Variants in ZNF234 observed in about 807,000 individuals in gnomAD.
ZNF234 encodes the protein zinc finger protein 234.
A neutral mutation model predicts 10.3 loss-of-function variants in ZNF234; 4 were observed. The ratio of observed to expected loss-of-function variants is 0.39; its 90% CI spans 0.19 to 0.89. The LOEUF (loss-of-function observed/expected upper bound fraction) is 0.89. ZNF234 is among the 40% of genes least tolerant of loss of function. The pLI is 0.38. For missense variants in ZNF234, 711 were observed against 836.1 expected, an observed-to-expected ratio of 0.85 and a Z score of 1.85; for synonymous variants, 258 against 280.1, an observed-to-expected ratio of 0.92 and a Z score of 0.79.
chr19:44,153,321 T>C (rs1968795245), intron 5 of ZNF234, among the ~76,000 whole-genome samples: 1 of 151,726 alleles, frequency 6.6e-6, no homozygotes, highest in Admixed American at 6.6e-5. Flanking sequence ...TTTGAGCTCT[T>C]TTGAGCATGA....
rs776859626 is a variant in ZNF234 at position 44,157,937 on chromosome 19, T to C, written c.1921T>C (p.Tyr641His). The change falls in exon 6 of 6, where the codon TAT becomes CAT. Residue 641 changes from tyrosine to histidine, a missense_variant. Physicochemically the swap from Tyr to His is moderately conservative, Grantham distance 83. Transcript: ENST00000426739. Reference sequence around the variant, plus strand: ...CTTCAGTCGGTCTTCACAATTACAGTATCATAGGCGAGTTCACACTGGGGA... The same window carrying C: ...CTTCAGTCGGTCTTCACAATTACAGCATCATAGGCGAGTTCACACTGGGGA... ...KVFSRSSQLQ[Y>H]HRRVHTGEKP... 1.2e-6 allele frequency: 2 copies of C among 1,614,012 alleles called. No individual in the cohort carries two copies. Among genetic ancestry groups the C allele is most frequent in the Non-Finnish European group, 1.7e-6 (2 of 1,179,946 alleles).
chr19:44,157,478 G>T lies in ZNF234; in HGVS notation c.1462G>T (p.Glu488Ter), dbSNP rs1185988918. The T allele has an allele frequency of 8.1e-6, 13 of 1,614,046 alleles. No homozygotes were observed. The highest frequency in any genetic ancestry group is 1.0e-5 in the Non-Finnish European group (12 of 1,179,934). ...HTGEKPYKCEECGKGFSRRAD... is the reference protein window; with the variant it reads ...HTGEKPYKCE ...CGGTGAGAAACCATACAAATGTGAA[G>T]AGTGCGGAAAGGGATTTAGTCGTAG... The change falls in exon 6 of 6, where the codon GAG becomes TAG. Residue 488 changes from glutamate to a stop codon, truncating the protein, a stop_gained. Transcript: ENST00000426739. LOFTEE classifies it low-confidence loss of function (END_TRUNC).
chr19:44,155,667 T>C (rs1229228798), intron 5 of ZNF234, among the ~76,000 whole-genome samples: 1 of 152,216 alleles, frequency 6.6e-6, no homozygotes, highest in East Asian at 1.9e-4. Context: ...TATTTAATAA[T>C]TTGAATATGT....
intron 3 of ZNF234, 75 bp downstream of exon 3, chr19:44,144,722 AC>A: frequency 1.4e-6 from 2 of 1,400,094 alleles, no homozygotes; most frequent in Non-Finnish European, 1.9e-6. Context: ...AGACTCAAGA[AC>A]AACGGGCATT....
intron 2 of ZNF234, among the ~76,000 whole-genome samples, chr19:44,144,129 C>T (rs1357697015): frequency 6.6e-6 from 1 of 152,100 alleles, no homozygotes; most frequent in African/African-American, 2.4e-5. Context: ...TCATTTTCAT[C>T]CCCCAATTGG....
chr19:44,150,402 G>T lies in ZNF234; in HGVS notation c.143-11G>T. 1 of 1,564,600 alleles carries T rather than the reference G, an allele frequency of 6.4e-7. No homozygotes were observed. Among genetic ancestry groups the T allele is most frequent in the Non-Finnish European group, 8.7e-7 (1 of 1,155,298 alleles). Reference sequence around the variant, plus strand: ...GTGTTTGTTTTAAATATGTGACTTTGCGTGTTCTAGGGCATCACCCCTTCA... The same window carrying T: ...GTGTTTGTTTTAAATATGTGACTTTTCGTGTTCTAGGGCATCACCCCTTCA... On this transcript the variant is annotated splice_polypyrimidine_tract_variant and intron_variant, in intron 4 of 5. Transcript: ENST00000426739.
intron 3 of ZNF234, among the ~76,000 whole-genome samples, chr19:44,146,874 G>T (rs570795262): frequency 1.2e-3 from 173 of 143,388 alleles, no homozygotes; most frequent in African/African-American, 4.4e-3. Context: ...GGAGTGCAGT[G>T]GTACGATCAC....
Position 44,157,102 on chromosome 19 carries a change from T to A in ZNF234, c.1086T>A (p.His362Gln). 1.2e-6 allele frequency: 2 copies of A among 1,614,178 alleles called. No homozygotes were observed. The highest frequency in any genetic ancestry group is 1.7e-6 in the Non-Finnish European group (2 of 1,180,022). Reference sequence around the variant, plus strand: ...TTCAGCCTTCACAATTTCAGGCCCATCGGAGAATCCACACTGGAGAGAAAC... The same window carrying A: ...TTCAGCCTTCACAATTTCAGGCCCAACGGAGAATCCACACTGGAGAGAAAC... ...CFIQPSQFQA[H>Q]RRIHTGEKPY... Residue 362 changes from histidine (H) to glutamine (Q), a missense_variant, in exon 6 of 6, where the codon CAT becomes CAA. Physicochemically the swap from His to Gln is conservative, Grantham distance 24. Transcript: ENST00000426739.
intron 5 of ZNF234, 54 bp from the exon 6 acceptor site, chr19:44,156,198 A>G (rs1968875333): frequency 6.7e-7 from 1 of 1,490,722 alleles, no homozygotes; most frequent in South Asian, 1.4e-5. Flanking sequence ...TAAGTATGAC[A>G]TCTTGAAAAC....
At chr19:44,147,524 G>A (rs987847316) in intron 3 of ZNF234, among the ~76,000 whole-genome samples, 6 of 152,068 alleles carry the variant, frequency 3.9e-5, no homozygotes, top group African/African-American at 1.4e-4. Flanking sequence ...AGGTGTGAGC[G>A]ACTGTGCATG....
rs1432351868 is a variant in ZNF234, at chr19:44,148,754, T to C, written c.16-17T>C. The C allele has an allele frequency of 6.2e-7, 1 of 1,612,620 alleles. No individual in the cohort carries two copies. The highest frequency in any genetic ancestry group is 8.5e-7 in the Non-Finnish European group (1 of 1,179,218). Reference sequence around the variant, plus strand: ...GTTTGTTAAAAAGGCTGAAGTAAGGTGTGTTTGATGTTATAGGAGGGACTG... The same window carrying C: ...GTTTGTTAAAAAGGCTGAAGTAAGGCGTGTTTGATGTTATAGGAGGGACTG... On this transcript the variant is annotated splice_polypyrimidine_tract_variant and intron_variant, in intron 3 of 5. Coordinates refer to ENST00000426739, the MANE Select transcript of ZNF234 (RefSeq NM_006630.3).
At chr19:44,151,683 C>G (rs929091111) in intron 5 of ZNF234, among the ~76,000 whole-genome samples, 11 of 152,202 alleles carry the variant, frequency 7.2e-5, no homozygotes, top group African/African-American at 2.4e-4. Flanking sequence ...CTGTATCGTT[C>G]CCTTATCAGT....
chr19:44,147,084 G>A (rs996454899), intron 3 of ZNF234, among the ~76,000 whole-genome samples: 2 of 151,890 alleles, frequency 1.3e-5, no homozygotes, highest in Non-Finnish European at 2.9e-5. Context: ...AAAGTGCTGG[G>A]ATTACAGGCA....
intron 5 of ZNF234, among the ~76,000 whole-genome samples, chr19:44,151,979 G>A (rs920276291): frequency 3.3e-5 from 5 of 152,122 alleles, no homozygotes; most frequent in African/African-American, 1.2e-4. Context: ...TTCTTTGGGG[G>A]TTGATTATTC....
intron 5 of ZNF234, among the ~76,000 whole-genome samples, chr19:44,156,027 C>T (rs2122148006): frequency 6.6e-6 from 1 of 152,316 alleles, no homozygotes; most frequent in Middle Eastern, 3.4e-3. Flanking sequence ...TTGTGTCTCA[C>T]ATAGGAGACT....
Position 44,156,391 on chromosome 19 carries a change from C to T in ZNF234, c.375C>T (p.Pro125=), listed in dbSNP as rs771843910. 2.0e-5 allele frequency: 32 copies of T among 1,613,356 alleles called. No individual in the cohort carries two copies. Among genetic ancestry groups the T allele is most frequent in the Non-Finnish European group, 1.7e-6 (2 of 1,179,712 alleles). ...CTATGATAAGTATTTCTCGGTTCCC[C>T]AGACAAGGTGATTTGTCCTGCCAGG... is the stretch of plus-strand genomic sequence containing the variant. ...EDSMISISRF[P]RQGDLSCQVR... The change falls in exon 6 of 6, where the codon CCC becomes CCT. Residue 125 remains proline (P), a synonymous_variant. Transcript: ENST00000426739.
At chr19:44,145,515 C>T (rs1005419788) in intron 3 of ZNF234, among the ~76,000 whole-genome samples, 1 of 152,216 alleles carries the variant, frequency 6.6e-6, no homozygotes, top group Non-Finnish European at 1.5e-5. Context: ...GCCTCAGCCT[C>T]CCGAGAAGCT....
chr19:44,156,454 A>G lies in ZNF234; in HGVS notation c.438A>G (p.Lys146=). The change falls in exon 6 of 6, where the codon AAA becomes AAG. Residue 146 remains lysine (K), a synonymous_variant. Coordinates refer to ENST00000426739, the MANE Select transcript of ZNF234 (RefSeq NM_006630.3). ...TATATACAACTCACACAGGACAGAA[A>G]TTTTACCAATGTGATGAGTACAAAA... ...AGLYTTHTGQ[K]FYQCDEYKKS... 1 of 1,613,784 alleles carries G rather than the reference A, an allele frequency of 6.2e-7. No homozygotes were observed. The highest frequency in any genetic ancestry group is 8.5e-7 in the Non-Finnish European group (1 of 1,179,840).
In ZNF234 at chr19:44,156,536, A is replaced by G. The variant is rs373509497; in HGVS notation, c.520A>G (p.Lys174Glu). The change falls in exon 6 of 6, where the codon AAG (lysine) becomes GAG (glutamate). Residue 174 changes from lysine to glutamate, a missense_variant. Transcript: ENST00000426739. ...DLHQQLHSGE[K>E]SHTCDECGKS... ...TCATCAACAGTTACACTCAGGAGAG[A>G]AGTCTCATACATGTGATGAGTGTGG... 5 of 1,614,110 alleles carry G rather than the reference A, an allele frequency of 3.1e-6. No homozygotes were observed. In the African/African-American group the frequency reaches 6.7e-5, roughly 22 times the overall value.
Sources: allele counts gnomAD v4.1 joint callset (sites outside exome capture counted in the v4.1 genomes callset), GRCh38; gene constraint gnomAD v4.1.1; transcripts MANE v1.5; gene names NCBI Gene and HGNC (gene_info 2026-07-23, HGNC 2026-07-21).